Variants in TNIK observed in about 807,000 individuals in gnomAD.
TNIK encodes the protein TRAF2 and NCK-interacting protein kinase.
A neutral mutation model predicts 191.3 loss-of-function variants in TNIK; 49 were observed. That is an observed-to-expected ratio of 0.26 (90% CI 0.20 to 0.32). The LOEUF (loss-of-function observed/expected upper bound fraction) is 0.32, where lower values mean the gene tolerates loss of function less well. TNIK is among the 10% of genes least tolerant of loss of function. TNIK has a pLI of 1.00. For synonymous variants in TNIK, 594 were observed against 600.9 expected (o/e 0.99, Z 0.17); for missense variants, 1,155 against 1,702.3 (o/e 0.68, Z 5.66).
intron 1 of TNIK, among the ~76,000 whole-genome samples, chr3:171,457,129 A>G (rs529021441): frequency 6.6e-6 from 1 of 152,360 alleles, no homozygotes; most frequent in South Asian, 2.1e-4. Context: ...CTGGATTCAA[A>G]GTACCTATTT....
chr3:171,234,822 C>T (rs1005868598), intron 2 of TNIK, among the ~76,000 whole-genome samples: 94 of 152,110 alleles, frequency 6.2e-4, no homozygotes, highest in African/African-American at 2.1e-3. Flanking sequence ...ACAGCAGTGA[C>T]GAGGCAGACA....
intron 2 of TNIK, among the ~76,000 whole-genome samples, chr3:171,231,957 A>T (rs893846340): frequency 6.6e-6 from 1 of 152,196 alleles, no homozygotes; most frequent in Non-Finnish European, 1.5e-5. Context: ...AATAATTTTT[A>T]AAACAAACTT....
chr3:171,377,474 T>G (rs531390858), intron 1 of TNIK, among the ~76,000 whole-genome samples: 2 of 152,356 alleles, frequency 1.3e-5, no homozygotes, highest in South Asian at 2.1e-4. Flanking sequence ...CTCCTCGGAT[T>G]AATCACTGCA....
chr3:171,253,374 G>A (rs552918594), intron 2 of TNIK, among the ~76,000 whole-genome samples: 4 of 151,956 alleles, frequency 2.6e-5, no homozygotes, highest in Non-Finnish European at 5.9e-5. Flanking sequence ...GGTGCGAAAG[G>A]TCTCTGATTT....
rs749734562 is a variant in TNIK, at chr3:171,182,167, A to ATTT, written c.640-4790_640-4788dup. Among the ~76,000 whole-genome samples, 72 of 65,626 alleles carry ATTT rather than the reference A, an allele frequency of 1.1e-3. 7 individuals carry two copies. The highest frequency in any genetic ancestry group is 0.011 in the Middle Eastern group (1 of 88). 43.1% of individuals were successfully genotyped at this position (65,626 alleles called of 152,430 possible). A position where few individuals can be genotyped will look rare whatever the true frequency, so the allele number is the denominator to read the frequency against. ...GCCTTCATTTGATATCATTGTTAGG[A>ATTT]TTTTTTTTTTTTTTTTTTTTTTTTT... is the stretch of plus-strand genomic sequence containing the variant. On this transcript the variant is annotated intron_variant, in intron 7 of 32. Transcript: ENST00000436636.
chr3:171,086,839 CT>C (rs1560090096), intron 24 of TNIK, among the ~76,000 whole-genome samples: 1 of 152,180 alleles, frequency 6.6e-6, no homozygotes. Flanking sequence ...TGGTTTCTTT[CT>C]TCTCACACAA....
intron 29 of TNIK, 93 bp from the exon 30 acceptor site, chr3:171,069,090 CTT>C (rs1357437706): frequency 8.3e-6 from 12 of 1,439,246 alleles, no homozygotes; most frequent in Non-Finnish European, 1.0e-5. Flanking sequence ...TAACTTCTAA[CTT>C]TATTAAAGTG....
chr3:171,128,487 G>T (rs1402840324), intron 16 of TNIK, among the ~76,000 whole-genome samples: 1 of 152,148 alleles, frequency 6.6e-6, no homozygotes. Flanking sequence ...AATTTAAATA[G>T]AAGTGAGTTT....
chr3:171,405,180 A>C (rs1721499133), intron 1 of TNIK, among the ~76,000 whole-genome samples: 1 of 152,194 alleles, frequency 6.6e-6, no homozygotes, highest in Non-Finnish European at 1.5e-5. Flanking sequence ...TGTGGATTTG[A>C]ACGCAAGCAG....
At chr3:171,269,145 T>C (rs1748773446) in intron 2 of TNIK, among the ~76,000 whole-genome samples, 1 of 152,208 alleles carries the variant, frequency 6.6e-6, no homozygotes, top group Non-Finnish European at 1.5e-5. Flanking sequence ...GCATGTTGGC[T>C]ACTTGAAAAA....
chr3:171,313,615 T>A (rs1186864070), intron 2 of TNIK, among the ~76,000 whole-genome samples: 7 of 152,124 alleles, frequency 4.6e-5, no homozygotes, highest in Non-Finnish European at 1.0e-4. Context: ...TCACTTATGA[T>A]TTTTTTAAAA....
Position 171,235,371 on chromosome 3 carries a change from G to T in TNIK, c.124-7150C>A, listed in dbSNP as rs11921772. Among the ~76,000 whole-genome samples the T allele has an allele frequency of 1.9e-3, 295 of 152,222 alleles. 1 individual carries two copies. The highest frequency in any genetic ancestry group is 6.5e-3 in the African/African-American group (268 of 41,518). ...CTGTGGCTTTCATACATTCATTTCT[G>T]GGAGGACTAACCCCCCTAGGTGTGG... On this transcript the variant is annotated intron_variant, in intron 2 of 32. Coordinates refer to ENST00000436636, the MANE Select transcript of TNIK (RefSeq NM_015028.4).
At chr3:171,296,193 C>T (rs1752272818) in intron 2 of TNIK, among the ~76,000 whole-genome samples, 1 of 152,068 alleles carries the variant, frequency 6.6e-6, no homozygotes. Context: ...TGCTTGACCC[C>T]CACTATTTTA....
intron 26 of TNIK, chr3:171,082,721 C>G (rs990553460): frequency 2.3e-5 from 5 of 217,058 alleles, no homozygotes; most frequent in Non-Finnish European, 3.6e-5. Flanking sequence ...CCTGGAAAAA[C>G]CACTTCTTTC....
intron 1 of TNIK, among the ~76,000 whole-genome samples, chr3:171,438,581 T>C (rs548098150): frequency 2.0e-5 from 3 of 152,316 alleles, no homozygotes; most frequent in Admixed American, 6.5e-5. Context: ...ATAATTTAAA[T>C]ACACCAATGG....
chr3:171,435,439 G>A (rs1355799433), intron 1 of TNIK, among the ~76,000 whole-genome samples: 5 of 152,168 alleles, frequency 3.3e-5, no homozygotes, highest in African/African-American at 7.2e-5. Context: ...GATGACTGCC[G>A]GGTAGGGAAC....
At chr3:171,250,775 A>G (rs1397661226) in intron 2 of TNIK, among the ~76,000 whole-genome samples, 1 of 152,230 alleles carries the variant, frequency 6.6e-6, no homozygotes, top group Non-Finnish European at 1.5e-5. Context: ...CTAATGTGAA[A>G]GTTTTGTAAA....
chr3:171,075,664 G>A (rs890112417), intron 28 of TNIK, among the ~76,000 whole-genome samples: 3 of 151,846 alleles, frequency 2.0e-5, no homozygotes, highest in African/African-American at 2.4e-5. Context: ...GCTAAGTGCC[G>A]GTGAGATGTA....
intron 10 of TNIK, among the ~76,000 whole-genome samples, chr3:171,165,570 G>T (rs1466005463): frequency 1.3e-5 from 2 of 152,146 alleles, no homozygotes; most frequent in African/African-American, 4.8e-5. Context: ...TGTGTTATGG[G>T]TATTAACTGC....
Sources: allele counts gnomAD v4.1 joint callset (sites outside exome capture counted in the v4.1 genomes callset), GRCh38; gene constraint gnomAD v4.1.1; transcripts MANE v1.5; gene names NCBI Gene and HGNC (gene_info 2026-07-23, HGNC 2026-07-21).